RTN4IP1: variants seen among roughly 807,000 people sequenced by gnomAD.
RTN4IP1 encodes the protein NAD(P)H oxidoreductase RTN4IP1, mitochondrial.
RTN4IP1 carries 32 observed loss-of-function variants against 46.6 expected under a neutral mutation model. The observed-to-expected ratio is 0.69, with a 90% CI of 0.52 to 0.92. The LOEUF is 0.92. RTN4IP1 is among the 40% of genes least tolerant of loss of function. RTN4IP1 has a pLI of 0.00. For synonymous variants in RTN4IP1, 167 were observed against 161.8 expected (o/e 1.03, Z -0.24); for missense variants, 424 against 485.8 (o/e 0.87, Z 1.20).
At chr6:106,597,203 G>T (rs1210942875) in intron 5 of RTN4IP1, among the ~76,000 whole-genome samples, 1 of 152,080 alleles carries the variant, frequency 6.6e-6, no homozygotes, top group Non-Finnish European at 1.5e-5. Flanking sequence ...TTAATTTCAG[G>T]ACAGTAGGAA....
At chr6:106,627,141 G>GA (rs11387767) in intron 1 of RTN4IP1, among the ~76,000 whole-genome samples, 146,103 of 146,958 alleles carry the variant, frequency 0.99, 72,625 homozygotes, top group South Asian at 1. Flanking sequence ...AAAGGTAGGA[G>GA]AAAAAAAAAA....
intron 7 of RTN4IP1, among the ~76,000 whole-genome samples, chr6:106,586,950 T>A (rs748449633): frequency 2.0e-5 from 3 of 152,184 alleles, no homozygotes; most frequent in Non-Finnish European, 4.4e-5. Flanking sequence ...ACAGCCCTGG[T>A]AAAAGTGGCC....
At chr6:106,585,843 T>A (rs1274209028) in intron 7 of RTN4IP1, among the ~76,000 whole-genome samples, 2 of 152,196 alleles carry the variant, frequency 1.3e-5, no homozygotes, top group East Asian at 3.8e-4. Flanking sequence ...ACTCTGAAGG[T>A]TAACTTGTAA....
chr6:106,624,271 G>A (rs1776573173), intron 1 of RTN4IP1, among the ~76,000 whole-genome samples: 1 of 152,066 alleles, frequency 6.6e-6, no homozygotes, highest in African/African-American at 2.4e-5. Flanking sequence ...GGCCAAGATG[G>A]TCTCAATCTC....
chr6:106,599,727 T>C (rs1352724702), intron 5 of RTN4IP1, among the ~76,000 whole-genome samples: 1 of 152,096 alleles, frequency 6.6e-6, no homozygotes, highest in Non-Finnish European at 1.5e-5. Flanking sequence ...AGTTGGGGAA[T>C]TTTAACAGGA....
chr6:106,614,935 T>C (rs931389549), intron 4 of RTN4IP1, among the ~76,000 whole-genome samples: 1 of 152,136 alleles, frequency 6.6e-6, no homozygotes, highest in Non-Finnish European at 1.5e-5. Flanking sequence ...GTTTCTGCTA[T>C]TCTTTCAAGT....
intron 4 of RTN4IP1, among the ~76,000 whole-genome samples, chr6:106,610,197 G>A (rs1266220072): frequency 1.3e-5 from 2 of 151,864 alleles, no homozygotes; most frequent in African/African-American, 4.8e-5. Flanking sequence ...GAGTAGCTGG[G>A]ACTACAGGCG....
intron 4 of RTN4IP1, among the ~76,000 whole-genome samples, chr6:106,605,990 T>A (rs570846957): frequency 3.3e-5 from 5 of 152,136 alleles, no homozygotes; most frequent in Admixed American, 3.3e-4. Context: ...ATAAAAGGCA[T>A]CCAAATTGGA....
intron 6 of RTN4IP1, among the ~76,000 whole-genome samples, chr6:106,588,314 T>C (rs1351197842): frequency 6.6e-6 from 1 of 151,990 alleles, no homozygotes; most frequent in African/African-American, 2.4e-5. Flanking sequence ...CCATTCTCTA[T>C]AAAGTATTCT....
chr6:106,572,153 A>G, intron 8 of RTN4IP1, 50 bp from the exon 9 acceptor site: 2 of 1,390,152 alleles, frequency 1.4e-6, no homozygotes, highest in Non-Finnish European at 2.0e-6. Context: ...TACATCTTTC[A>G]AGGCAGATGA....
chr6:106,606,213 G>A (rs1437667950), intron 4 of RTN4IP1, among the ~76,000 whole-genome samples: 1 of 152,158 alleles, frequency 6.6e-6, no homozygotes, highest in East Asian at 1.9e-4. Flanking sequence ...CTTGAGTCCA[G>A]GAGTTCAAGA....
chr6:106,578,685 CG>C (rs1222317373), intron 8 of RTN4IP1, among the ~76,000 whole-genome samples: 4 of 152,110 alleles, frequency 2.6e-5, no homozygotes, highest in Non-Finnish European at 4.4e-5. Flanking sequence ...GGAGCAGCTG[CG>C]GGGAAAGAAC....
chr6:106,576,408 G>A lies in RTN4IP1; in HGVS notation c.1084-4305C>T, dbSNP rs1024969346. Among the ~76,000 whole-genome samples, 19 of 152,316 alleles carry A rather than the reference G, an allele frequency of 1.2e-4. No homozygotes were observed. In the East Asian group the frequency reaches 3.7e-3, roughly 29 times the overall value. ...AAATTTCCTCATAGAAACAATTTCAGTAGCATCAGAAAAACCTCAGAAGCA... is the reference window on the plus strand; with the variant it reads ...AAATTTCCTCATAGAAACAATTTCAATAGCATCAGAAAAACCTCAGAAGCA... On this transcript the variant is annotated intron_variant, in intron 8 of 8. Coordinates refer to ENST00000369063, the MANE Select transcript of RTN4IP1 (RefSeq NM_032730.5).
chr6:106,574,882 T>G (rs1481698874), intron 8 of RTN4IP1, among the ~76,000 whole-genome samples: 1 of 152,212 alleles, frequency 6.6e-6, no homozygotes, highest in Non-Finnish European at 1.5e-5. Context: ...CCCACTTTAA[T>G]CTGGCTGGTC....
upstream of RTN4IP1, chr6:106,629,775 C>T: frequency 1.9e-6 from 3 of 1,552,814 alleles, no homozygotes; most frequent in East Asian, 2.4e-5. Flanking sequence ...GACAAAGAGT[C>T]CCTGGGCCTT....
intron 4 of RTN4IP1, among the ~76,000 whole-genome samples, chr6:106,609,202 C>T (rs1381573793): frequency 6.6e-6 from 1 of 152,144 alleles, no homozygotes; most frequent in Non-Finnish European, 1.5e-5. Flanking sequence ...CATATTATGC[C>T]CTGCATTGGC....
At chr6:106,577,520 G>A (rs2114620714) in intron 8 of RTN4IP1, among the ~76,000 whole-genome samples, 1 of 147,640 alleles carries the variant, frequency 6.8e-6, no homozygotes. Flanking sequence ...TCCCACCTCA[G>A]GAGCAACCAA....
At chr6:106,587,117 C>T (rs1034161706) in intron 7 of RTN4IP1, among the ~76,000 whole-genome samples, 3 of 152,222 alleles carry the variant, frequency 2.0e-5, no homozygotes, top group Non-Finnish European at 4.4e-5. Flanking sequence ...AAAAGTACAA[C>T]TTGTTTTACT....
chr6:106,587,626 T>A, intron 7 of RTN4IP1, 53 bp downstream of exon 7: 1 of 1,542,574 alleles, frequency 6.5e-7, no homozygotes, highest in Non-Finnish European at 8.8e-7. Context: ...GGGAAACCAA[T>A]TTCTAGCAGC....
Sources: allele counts gnomAD v4.1 joint callset (sites outside exome capture counted in the v4.1 genomes callset), GRCh38; gene constraint gnomAD v4.1.1; transcripts MANE v1.5; gene names NCBI Gene and HGNC (gene_info 2026-07-23, HGNC 2026-07-21).